TENM4: variants seen among roughly 807,000 people sequenced by gnomAD.
TENM4 encodes the protein teneurin-4.
In TENM4, 82 loss-of-function variants were observed where a neutral mutation model predicts 243.3. The ratio of observed to expected loss-of-function variants is 0.34; its 90% CI spans 0.28 to 0.40. The LOEUF (loss-of-function observed/expected upper bound fraction) is 0.40. TENM4 is among the 10% of genes least tolerant of loss of function. TENM4 has a pLI of 1.00. For missense variants in TENM4, 3,138 were observed against 3,673.3 expected, an observed-to-expected ratio of 0.85 and a Z score of 3.77; for synonymous variants, 1,412 against 1,456.3, an observed-to-expected ratio of 0.97 and a Z score of 0.69.
rs1164723470 is a variant in TENM4 at position 78,669,753 on chromosome 11, C to T, written c.6592G>A (p.Ala2198Thr). The part of the protein sequence containing the change: ...NTTRYSYEYD[A>T]DGQLQTVSIN... The stretch of plus-strand genomic sequence containing the variant: ...GAGACTGTCTGCAGCTGGCCGTCAG[C>T]ATCATACTCATAGGAGTAGCGAGTG... The change falls in exon 32 of 34, where the codon GCT becomes ACT. Residue 2198 changes from alanine to threonine, a missense_variant. Physicochemically the swap from Ala to Thr is moderately conservative, Grantham distance 58 (BLOSUM62 0). Around this residue, in one of 2 missense-constraint regions of TENM4, gnomAD observed 2,467 missense variants for 3,059.1 expected, o/e 0.81. Coordinates refer to ENST00000278550, the MANE Select transcript of TENM4 (RefSeq NM_001098816.3). This position sits in a 1 kb window ranked among gnomAD's most constrained non-coding sequence, Gnocchi z 6.4. 2.5e-6 allele frequency: 4 copies of T among 1,613,900 alleles called. No homozygotes were observed. Among genetic ancestry groups the T allele is most frequent in the Non-Finnish European group, 3.4e-6 (4 of 1,179,906 alleles).
At chr11:79,093,062 C>T (rs1012175891) in intron 4 of TENM4, 3 of 152,216 alleles carry the variant, frequency 2.0e-5, no homozygotes, top group Non-Finnish European at 4.4e-5. Flanking sequence ...GTGTTAGTGA[C>T]TTAACCCAAG....
At chr11:78,706,093 T>G (rs1182710482) in intron 27 of TENM4, among the ~76,000 whole-genome samples, 1 of 152,216 alleles carries the variant, frequency 6.6e-6, no homozygotes, top group East Asian at 1.9e-4. Flanking sequence ...CTCAGTATTC[T>G]TATCTATAAA....
chr11:79,192,161 C>T (rs1420503675), intron 3 of TENM4, among the ~76,000 whole-genome samples: 2 of 151,288 alleles, frequency 1.3e-5, no homozygotes, highest in African/African-American at 4.9e-5. Flanking sequence ...CAGCCCCCTG[C>T]CCGGCCAGCT....
In TENM4 at chr11:78,800,736, G is replaced by GGA. The variant is rs5792816; in HGVS notation, c.2179+4554_2179+4555dup. Among the ~76,000 whole-genome samples, 391 of 144,354 alleles carry GGA rather than the reference G, an allele frequency of 2.7e-3. 1 individual carries two copies. The highest frequency in any genetic ancestry group is 9.4e-3 in the South Asian group (41 of 4,364). 94.7% of individuals were successfully genotyped at this position (144,354 alleles called of 152,430 possible). On this transcript the variant is annotated intron_variant, in intron 15 of 33. Transcript: ENST00000278550. ...GCCCTGACCTCACAGAGTTCACAGG[G>GGA]GAGAGAGAGAGAGAGAGAGAGAGAG...
chr11:79,090,608 T>C (rs113172770), intron 4 of TENM4, among the ~76,000 whole-genome samples: 54 of 152,360 alleles, frequency 3.5e-4, no homozygotes, highest in African/African-American at 1.2e-3. Flanking sequence ...CAAAGTTGTA[T>C]AGTCAGTAAG....
At chr11:79,299,397 C>T (rs1368855880) in intron 1 of TENM4, among the ~76,000 whole-genome samples, 1 of 152,210 alleles carries the variant, frequency 6.6e-6, no homozygotes, top group Admixed American at 6.5e-5. Flanking sequence ...CCCAGGAGCG[C>T]ACTCAGTTTC....
chr11:79,070,916 G>C, intron 4 of TENM4, among the ~76,000 whole-genome samples: 1 of 152,176 alleles, frequency 6.6e-6, no homozygotes, highest in East Asian at 1.9e-4. Flanking sequence ...GTTACTCAGA[G>C]AATGTCCCTC....
intron 12 of TENM4, among the ~76,000 whole-genome samples, chr11:78,849,544 A>G (rs1260555036): frequency 6.6e-6 from 1 of 152,224 alleles, no homozygotes; most frequent in Non-Finnish European, 1.5e-5. Flanking sequence ...AAGAGAGCTA[A>G]GCATGGTCCT....
chr11:79,059,957 G>A (rs936792577), intron 6 of TENM4, among the ~76,000 whole-genome samples: 4 of 152,208 alleles, frequency 2.6e-5, no homozygotes, highest in Non-Finnish European at 4.4e-5. Flanking sequence ...TTAAAGAGCT[G>A]CAAGGTGGTC....
At chr11:79,303,942 TC>T (rs1228493942) in intron 1 of TENM4, among the ~76,000 whole-genome samples, 8 of 151,968 alleles carry the variant, frequency 5.3e-5, no homozygotes, top group Admixed American at 4.6e-4. Flanking sequence ...GAACCAAAGA[TC>T]TAAACAGGAA....
intron 3 of TENM4, among the ~76,000 whole-genome samples, chr11:79,212,316 C>T (rs1845224069): frequency 6.6e-6 from 1 of 152,176 alleles, no homozygotes; most frequent in Admixed American, 6.5e-5. Flanking sequence ...GTCTTTAGCA[C>T]CCATTTTCTT....
intron 12 of TENM4, among the ~76,000 whole-genome samples, chr11:78,817,099 T>C (rs1857621966): frequency 6.6e-6 from 1 of 152,160 alleles, no homozygotes; most frequent in African/African-American, 2.4e-5. Context: ...GCATCAAAAC[T>C]TAAATGCAGC....
intron 1 of TENM4, among the ~76,000 whole-genome samples, chr11:79,347,819 C>CCGGACTG (rs1342463583): frequency 2.1e-4 from 29 of 136,346 alleles, no homozygotes; most frequent in African/African-American, 8.1e-4. Context: ...GTCGCCCAGA[C>CCGGACTG]CGGACTGCGG....
At chr11:79,020,202 C>T (rs1049464129) in intron 6 of TENM4, among the ~76,000 whole-genome samples, 1 of 152,168 alleles carries the variant, frequency 6.6e-6, no homozygotes, top group Non-Finnish European at 1.5e-5. Context: ...ATCAAGAGAG[C>T]CCCCTTGCTG....
chr11:79,317,739 C>A (rs1468961076), intron 1 of TENM4, among the ~76,000 whole-genome samples: 2 of 152,182 alleles, frequency 1.3e-5, no homozygotes, highest in African/African-American at 4.8e-5. Flanking sequence ...CATTGAACTG[C>A]CTTTCTGCCT....
rs78614217 is a variant in TENM4, at chr11:79,017,000, G to A, written c.493+47738C>T. 3.7e-3 allele frequency among the ~76,000 whole-genome samples: 564 copies of A among 152,354 alleles called. 4 individuals are homozygous for A. The highest frequency in any genetic ancestry group is 0.013 in the African/African-American group (541 of 41,580). ...AAGACCTATCTCCCAGAGTTGTCAT[G>A]AGGCTCAATGTGATGTTTATAGATA... On this transcript the variant is annotated intron_variant, in intron 6 of 33. Transcript: ENST00000278550.
chr11:78,950,473 C>T (rs1857088723), intron 6 of TENM4, among the ~76,000 whole-genome samples: 1 of 152,078 alleles, frequency 6.6e-6, no homozygotes, highest in Non-Finnish European at 1.5e-5. Flanking sequence ...GGAGAGATGG[C>T]TGTTAGATAA....
At chr11:78,728,313 T>G (rs1425182135) in intron 22 of TENM4, among the ~76,000 whole-genome samples, 1 of 152,198 alleles carries the variant, frequency 6.6e-6, no homozygotes, top group African/African-American at 2.4e-5. Context: ...TCTCTGGGCC[T>G]CAGCTTCTTA....
intron 6 of TENM4, among the ~76,000 whole-genome samples, chr11:78,943,932 A>G (rs77358171): frequency 1.5e-3 from 232 of 152,340 alleles, no homozygotes; most frequent in African/African-American, 5.3e-3. Flanking sequence ...AGGTGTGTGT[A>G]TAACGTGCCT....
Sources: gnomAD v4.1 joint callset for allele counts (sites outside exome capture counted in the v4.1 genomes callset) on GRCh38, gnomAD v4.1.1 for gene constraint, gnomAD v4.1.1 regional missense constraint, Gnocchi (gnomAD v3.1) non-coding constraint, MANE v1.5 for transcripts, NCBI Gene and HGNC (gene_info 2026-07-23, HGNC 2026-07-21) for gene names.